Variants in DNAJB6 observed in about 807,000 individuals in gnomAD.
DNAJB6 encodes DnaJ heat shock protein family (Hsp40) member B6.
Under a neutral mutation model 42.7 loss-of-function variants are expected in DNAJB6, and 16 were observed. The ratio of observed to expected loss-of-function variants is 0.37; its 90% CI spans 0.25 to 0.57. The LOEUF is 0.57. DNAJB6 is among the 20% of genes least tolerant of loss of function. DNAJB6 has a pLI of 0.74. For synonymous variants in DNAJB6, 170 were observed against 163.5 expected (o/e 1.04, Z -0.30); for missense variants, 347 against 416.8 (o/e 0.83, Z 1.46).
Position 157,369,511 on chromosome 7 carries a change from G to A in DNAJB6, c.346+2028G>A, listed in dbSNP as rs1436684379. ...CTGTCCTCGTGATGTCTGAGACCGG[G>A]CGTCTTCAACAGGCCCTGCTTAACA... On this transcript the variant is annotated intron_variant, in intron 5 of 9. Coordinates refer to ENST00000262177, the MANE Select transcript of DNAJB6 (RefSeq NM_058246.4). 1.4e-4 allele frequency: 61 copies of A among 425,642 alleles called. 1 individual carries two copies. The highest frequency in any genetic ancestry group is 6.3e-4 in the South Asian group (38 of 60,098). The allele number at this position is 425,642 out of a possible 1,614,324, so 26.4% of individuals were successfully genotyped here. A position where few individuals can be genotyped will look rare whatever the true frequency, so the allele number is the denominator to read the frequency against.
At chr7:157,395,953 T>C (rs1250082756) in intron 8 of DNAJB6, among the ~76,000 whole-genome samples, 1 of 149,772 alleles carries the variant, frequency 6.7e-6, no homozygotes, top group Non-Finnish European at 1.5e-5. Context: ...TGTAATTTTT[T>C]TTTTTTTTTT....
chr7:157,339,964 T>A (rs1216264659), intron 1 of DNAJB6: 2 of 152,186 alleles, frequency 1.3e-5, no homozygotes, highest in South Asian at 2.1e-4. Flanking sequence ...ACTTCATAAC[T>A]TGGGCAGGTA....
intron 8 of DNAJB6, among the ~76,000 whole-genome samples, chr7:157,400,215 T>A (rs1177351070): frequency 1.6e-4 from 24 of 150,160 alleles, no homozygotes; most frequent in African/African-American, 5.4e-4. Flanking sequence ...GGTGCTGGGA[T>A]GCCTGGGTCC....
chr7:157,354,673 A>G (rs749147517), intron 1 of DNAJB6, among the ~76,000 whole-genome samples: 2 of 152,096 alleles, frequency 1.3e-5, no homozygotes, highest in Non-Finnish European at 2.9e-5. Flanking sequence ...CATCTCTGAG[A>G]GCACAGGGCA....
At chr7:157,398,472 C>T (rs962165016) in intron 8 of DNAJB6, among the ~76,000 whole-genome samples, 2 of 152,228 alleles carry the variant, frequency 1.3e-5, no homozygotes, top group East Asian at 3.8e-4. Context: ...TTGTTTTCAT[C>T]TGCGTGTTAT....
chr7:157,358,005 C>T (rs377605466), intron 1 of DNAJB6, among the ~76,000 whole-genome samples: 2 of 152,202 alleles, frequency 1.3e-5, no homozygotes, highest in Admixed American at 6.5e-5. Flanking sequence ...AAAGGTCTTT[C>T]TCTCTTGGGA....
intron 1 of DNAJB6, among the ~76,000 whole-genome samples, chr7:157,349,158 C>T (rs1036712508): frequency 1.3e-5 from 2 of 152,106 alleles, no homozygotes; most frequent in Non-Finnish European, 2.9e-5. Context: ...GCTGGGATTA[C>T]AGGTGTGAGA....
At chr7:157,363,291 G>A in intron 3 of DNAJB6, 21 bp downstream of exon 3, 4 of 1,549,156 alleles carry the variant, frequency 2.6e-6, no homozygotes, top group Non-Finnish European at 3.6e-6. Flanking sequence ...GCGAGCTGCT[G>A]AAGGACCCTG....
intron 5 of DNAJB6, 105 bp downstream of exon 5, chr7:157,367,588 C>T (rs940929032): frequency 3.9e-5 from 30 of 777,642 alleles, no homozygotes; most frequent in Admixed American, 2.2e-4. Context: ...AGGCTGGGCG[C>T]GGTGGCTCAT....
chr7:157,384,718 C>A (rs532537566), intron 6 of DNAJB6, 149 bp from the exon 7 acceptor site: 4 of 731,230 alleles, frequency 5.5e-6, no homozygotes, highest in East Asian at 5.4e-5. Context: ...CCCAGCACTT[C>A]AGCTGAGGCC....
intron 1 of DNAJB6, among the ~76,000 whole-genome samples, chr7:157,342,326 C>G (rs1247762974): frequency 1.4e-5 from 2 of 143,534 alleles, no homozygotes; most frequent in African/African-American, 2.5e-5. Context: ...TGCCACTATC[C>G]TGGCTAATTT....
At chr7:157,381,756 G>GTGTGTGTT (rs1206141572) in intron 5 of DNAJB6, 1 of 152,364 alleles carries the variant, frequency 6.6e-6, no homozygotes, top group Non-Finnish European at 1.5e-5. Flanking sequence ...GTGTGTGTGT[G>GTGTGTGTT]TGTGTGTGTG....
At chr7:157,345,709 T>C (rs558446717) in intron 1 of DNAJB6, among the ~76,000 whole-genome samples, 1 of 152,278 alleles carries the variant, frequency 6.6e-6, no homozygotes, top group East Asian at 1.9e-4. Context: ...GGCCAAATTT[T>C]AAATTGTGTA....
In DNAJB6 at chr7:157,407,779, C is replaced by T. The variant is rs189865309; in HGVS notation, c.692-2016C>T. The stretch of plus-strand genomic sequence containing the variant: ...CACAACAGCGACTTCGCAGCACTGT[C>T]GCCATGTGTCCCGCTCTCTTGCCAG... On this transcript the variant is annotated intron_variant, in intron 8 of 9. Transcript: ENST00000262177. Among the ~76,000 whole-genome samples, 299 of 152,314 alleles carry T rather than the reference C, an allele frequency of 2.0e-3. 3 individuals are homozygous for T. The highest frequency in any genetic ancestry group is 6.8e-3 in the African/African-American group (284 of 41,574).
chr7:157,356,107 A>G (rs1799262236), intron 1 of DNAJB6, among the ~76,000 whole-genome samples: 1 of 150,280 alleles, frequency 6.7e-6, no homozygotes. Flanking sequence ...TATAGTGCTC[A>G]GAGGGGATGA....
At chr7:157,390,689 G>A (rs1225300234) in intron 8 of DNAJB6, among the ~76,000 whole-genome samples, 1 of 152,168 alleles carries the variant, frequency 6.6e-6, no homozygotes, top group Non-Finnish European at 1.5e-5. Flanking sequence ...GCTCTGAGAG[G>A]TGACCTTTTC....
intron 1 of DNAJB6, among the ~76,000 whole-genome samples, chr7:157,343,309 AC>A (rs1388540264): frequency 6.7e-6 from 1 of 150,286 alleles, no homozygotes; most frequent in Admixed American, 6.6e-5. Context: ...ACAGGCGCTC[AC>A]CACCATGCCT....
At chr7:157,362,198 G>A (rs1302280154) in intron 2 of DNAJB6, among the ~76,000 whole-genome samples, 1 of 152,148 alleles carries the variant, frequency 6.6e-6, no homozygotes, top group African/African-American at 2.4e-5. Context: ...TGGCACAGAG[G>A]GTGTTTGAAA....
rs181982731 is a variant in DNAJB6 at position 157,374,205 on chromosome 7, G to A, written c.346+6722G>A. Among the ~76,000 whole-genome samples, 492 of 152,242 alleles carry A rather than the reference G, an allele frequency of 3.2e-3. 3 individuals carry two copies. The highest frequency in any genetic ancestry group is 0.028 in the South Asian group (134 of 4,832). On this transcript the variant is annotated intron_variant, in intron 5 of 9. Coordinates refer to ENST00000262177, the MANE Select transcript of DNAJB6 (RefSeq NM_058246.4). ...TTCTTGGAGAACATGCCAAACTCAT[G>A]TATGGTTGTGTGCGTATTTGAGAAC...
Sources: gnomAD v4.1 joint callset for allele counts (sites outside exome capture counted in the v4.1 genomes callset) on GRCh38, gnomAD v4.1.1 for gene constraint, MANE v1.5 for transcripts, NCBI Gene and HGNC (gene_info 2026-07-23, HGNC 2026-07-21) for gene names.